Variants in SORCS1 observed in about 807,000 individuals in gnomAD.
SORCS1 encodes the protein VPS10 domain-containing receptor SorCS1.
In SORCS1, 60 loss-of-function variants were observed where a neutral mutation model predicts 146.1. That is an observed-to-expected ratio of 0.41 (90% CI 0.33 to 0.51). The LOEUF (loss-of-function observed/expected upper bound fraction) is 0.51. SORCS1 is among the 20% of genes least tolerant of loss of function. SORCS1 has a pLI of 0.21. For missense variants in SORCS1, 1,352 were observed against 1,487.6 expected (o/e 0.91, Z 1.50); for synonymous variants, 637 against 584.0 (o/e 1.09, Z -1.31).
chr10:106,703,866 A>G (rs1307794043), intron 8 of SORCS1, among the ~76,000 whole-genome samples: 1 of 152,208 alleles, frequency 6.6e-6, no homozygotes, highest in Non-Finnish European at 1.5e-5. Flanking sequence ...CCCGGACTAA[A>G]TAATACATTC....
intron 2 of SORCS1, among the ~76,000 whole-genome samples, chr10:106,920,636 C>T (rs943400252): frequency 6.6e-6 from 1 of 152,176 alleles, no homozygotes; most frequent in Non-Finnish European, 1.5e-5. Flanking sequence ...CTTGACTCAA[C>T]TTGCCGCCTT....
Position 106,672,853 on chromosome 10 carries a change from T to C in SORCS1, c.2058+15A>G. 6.2e-7 allele frequency: 1 copy of C among 1,609,502 alleles called. No individual in the cohort carries two copies. The highest frequency in any genetic ancestry group is 1.1e-5 in the South Asian group (1 of 90,988). On this transcript the variant is annotated intron_variant, in intron 15 of 25. Transcript: ENST00000263054. ...CTTCCTGCCCAGGCCTTAGTCTCAG[T>C]TCTTTTCCTCCTACCTGGCTGTGCA... is the stretch of plus-strand genomic sequence containing the variant.
chr10:106,814,736 A>G (rs1020947352), intron 3 of SORCS1, among the ~76,000 whole-genome samples: 3 of 151,812 alleles, frequency 2.0e-5, no homozygotes, highest in Non-Finnish European at 4.4e-5. Flanking sequence ...AACGTGGTGA[A>G]ACCGCGTCTC....
intron 5 of SORCS1, among the ~76,000 whole-genome samples, chr10:106,751,477 G>A (rs1289978322): frequency 6.6e-6 from 1 of 152,188 alleles, no homozygotes; most frequent in East Asian, 1.9e-4. Context: ...AAAATCAGCA[G>A]TAAAGGACAG....
intron 2 of SORCS1, among the ~76,000 whole-genome samples, chr10:106,862,780 CAAAAAAAAAAAAAAAA>C (rs58654489): frequency 1.7e-5 from 1 of 60,246 alleles, no homozygotes; most frequent in African/African-American, 5.6e-5. Flanking sequence ...CCTGTCTCTA[CAAAAAAAAAAAAAAAA>C]AAAAAAAAAA....
At chr10:106,732,373 T>C (rs1474328307) in intron 5 of SORCS1, among the ~76,000 whole-genome samples, 1 of 152,214 alleles carries the variant, frequency 6.6e-6, no homozygotes, top group Non-Finnish European at 1.5e-5. Flanking sequence ...CTTTGGGTGG[T>C]GACTCTCCTC....
the SORCS1 span, among the ~76,000 whole-genome samples, chr10:107,179,871 T>G: frequency 1.8e-4 from 28 of 151,872 alleles, no homozygotes; most frequent in African/African-American, 6.5e-4. Context: ...GCATGTATTT[T>G]TATCCTCTTA....
At chr10:107,172,951 A>G in the SORCS1 span, among the ~76,000 whole-genome samples, 2 of 152,206 alleles carry the variant, frequency 1.3e-5, 1 homozygote, top group East Asian at 3.8e-4. Flanking sequence ...TGAAAATTAT[A>G]TTAAAATTTA....
chr10:107,158,766 G>T (rs995254924), intron 1 of SORCS1, among the ~76,000 whole-genome samples: 1 of 152,132 alleles, frequency 6.6e-6, no homozygotes, highest in African/African-American at 2.4e-5. Flanking sequence ...ACAATAATTT[G>T]CGTAAGGCTC....
At chr10:107,145,889 C>T (rs367780232) in intron 1 of SORCS1, among the ~76,000 whole-genome samples, 2 of 152,292 alleles carry the variant, frequency 1.3e-5, no homozygotes, top group East Asian at 3.8e-4. Flanking sequence ...TGCAAAATGA[C>T]TATCATTTTA....
At chr10:106,775,370 A>G (rs1394832598) in intron 4 of SORCS1, among the ~76,000 whole-genome samples, 3 of 137,874 alleles carry the variant, frequency 2.2e-5, no homozygotes, top group Non-Finnish European at 4.6e-5. Context: ...GCTCAACAGG[A>G]AAAAAAAATG....
intron 6 of SORCS1, among the ~76,000 whole-genome samples, chr10:106,714,768 G>A (rs1355637049): frequency 2.0e-5 from 3 of 152,256 alleles, no homozygotes; most frequent in East Asian, 3.9e-4. Flanking sequence ...TTCTACAGCC[G>A]GGCAAGTAGG....
At chr10:106,976,491 C>T (rs1956027386) in intron 1 of SORCS1, among the ~76,000 whole-genome samples, 1 of 151,854 alleles carries the variant, frequency 6.6e-6, no homozygotes, top group African/African-American at 2.4e-5. Flanking sequence ...GCCACCACAC[C>T]CGGCTAATTT....
At chr10:107,014,081 C>A (rs189659162) in intron 1 of SORCS1, among the ~76,000 whole-genome samples, 1 of 151,856 alleles carries the variant, frequency 6.6e-6, no homozygotes, top group African/African-American at 2.4e-5. Flanking sequence ...GGTGAAACCC[C>A]GTCTCTACTA....
rs186310877 is a variant in SORCS1, at chr10:107,054,109, G to A, written c.559-97529C>T. The stretch of plus-strand genomic sequence containing the variant: ...TATGTATCAAGTGTCGAAGGCTACC[G>A]ATTCAGATAAAATTTATTTGTAAAT... On this transcript the variant is annotated intron_variant, in intron 1 of 25. Coordinates refer to ENST00000263054, the MANE Select transcript of SORCS1 (RefSeq NM_052918.5). 1.1e-4 allele frequency among the ~76,000 whole-genome samples: 17 copies of A among 152,228 alleles called. 1 individual carries two copies. Among genetic ancestry groups the A allele is most frequent in the African/African-American group, 3.1e-4 (13 of 41,542 alleles).
At chr10:106,874,685 C>T (rs1317987512) in intron 2 of SORCS1, among the ~76,000 whole-genome samples, 1 of 152,182 alleles carries the variant, frequency 6.6e-6, no homozygotes, top group Non-Finnish European at 1.5e-5. Flanking sequence ...CATGGCTGTG[C>T]ACTGGAAACA....
chr10:107,041,493 C>T (rs79386227), intron 1 of SORCS1, among the ~76,000 whole-genome samples: 4,530 of 152,016 alleles, frequency 0.03, 93 homozygotes, highest in Non-Finnish European at 0.037. Flanking sequence ...CTAGGTCTAT[C>T]AGCTTGACAT....
In SORCS1 at chr10:106,667,834, C is replaced by T. The variant is rs867557600; in HGVS notation, c.2190-32G>A. 2.6e-6 allele frequency: 4 copies of T among 1,557,144 alleles called. No homozygotes were observed. The Middle Eastern group carries it at 5.0e-4, about 196-fold the overall frequency. On this transcript the variant is annotated intron_variant, in intron 16 of 25. Transcript: ENST00000263054. ...GGAAAGAGCCGAGAAAAACCTTTCACTAGGTGGCAAAATTACTGAAAACAA... is the reference window on the plus strand; with the variant it reads ...GGAAAGAGCCGAGAAAAACCTTTCATTAGGTGGCAAAATTACTGAAAACAA...
chr10:106,742,460 G>GCTCCA (rs1260959529), intron 5 of SORCS1, among the ~76,000 whole-genome samples: 2 of 152,012 alleles, frequency 1.3e-5, no homozygotes, highest in African/African-American at 4.8e-5. Context: ...GCTCACTGCA[G>GCTCCA]CCTCTGTCTT....
Sources: gnomAD v4.1 joint callset for allele counts (sites outside exome capture counted in the v4.1 genomes callset) on GRCh38, gnomAD v4.1.1 for gene constraint, MANE v1.5 for transcripts, NCBI Gene and HGNC (gene_info 2026-07-23, HGNC 2026-07-21) for gene names.